SKA1: variants seen among roughly 807,000 people sequenced by gnomAD.
SKA1 encodes the protein SKA complex subunit 1.
A neutral mutation model predicts 31.8 loss-of-function variants in SKA1; 20 were observed. That is an observed-to-expected ratio of 0.63 (90% CI 0.44 to 0.91). SKA1 has a LOEUF of 0.91. Among genes scored for constraint, SKA1 ranks in the 40% least tolerant of loss-of-function variants. The pLI is 0.00. For synonymous variants in SKA1, 88 were observed against 100.5 expected (o/e 0.88, Z 0.74); for missense variants, 253 against 298.2 (o/e 0.85, Z 1.12).
chr18:50,376,008 T>G (rs937111158), intron 2 of SKA1, 90 bp downstream of exon 2: 1 of 751,664 alleles, frequency 1.3e-6, no homozygotes, highest in Non-Finnish European at 2.1e-6. Context: ...GTTAAGTGAC[T>G]GCATCTTAGG....
At chr18:50,391,976 C>A in intron 6 of SKA1, 123 bp from the exon 7 acceptor site, 1 of 650,590 alleles carries the variant, frequency 1.5e-6, no homozygotes, top group East Asian at 2.9e-5. Flanking sequence ...AATACTAGTT[C>A]TTGGTTTTAT....
Position 50,376,036 on chromosome 18 carries a change from A to C in SKA1, c.88+118A>C, listed in dbSNP as rs968070619. ...ATCTTAGGTAATTTTAGATTTTTGC[A>C]TAACGATTTTTTAAATAGTCCAATG... On this transcript the variant is annotated intron_variant, in intron 2 of 6. Coordinates refer to ENST00000285116, the MANE Select transcript of SKA1 (RefSeq NM_145060.4). 2.3e-5 allele frequency: 14 copies of C among 612,468 alleles called. 1 individual carries two copies. The highest frequency in any genetic ancestry group is 3.3e-5 in the Admixed American group (1 of 30,400). The allele number at this position is 612,468 out of a possible 1,614,324, so 37.9% of individuals were successfully genotyped here.
intron 2 of SKA1, among the ~76,000 whole-genome samples, chr18:50,377,899 A>G (rs964908010): frequency 3.2e-5 from 4 of 126,046 alleles, no homozygotes; most frequent in African/African-American, 1.2e-4. Context: ...ATACTCTGGA[A>G]AGTTAAAGCT....
rs1308665658 is a variant in SKA1 at position 50,375,879 on chromosome 18, A to T, written c.49A>T (p.Ile17Phe). Residue 17 changes from isoleucine to phenylalanine, a missense_variant, in exon 2 of 7, where the codon ATT becomes TTT. Physicochemically the swap from Ile to Phe is conservative, Grantham distance 21. Coordinates refer to ENST00000285116, the MANE Select transcript of SKA1 (RefSeq NM_145060.4). ...EQLCSHVNEK[I>F]GNIKKTLSLR... is the part of the protein sequence containing the mutation. ...ATTATGCTCTCATGTTAATGAAAAG[A>T]TTGGCAATATTAAGAAAACCTTATC... 3 of 1,611,240 alleles carry T rather than the reference A, an allele frequency of 1.9e-6. No individual in the cohort carries two copies. In the African/African-American group the frequency reaches 4.0e-5, roughly 22 times the overall value.
Position 50,388,837 on chromosome 18 carries a change from G to A in SKA1, c.450-2287G>A, listed in dbSNP as rs186158879. Among the ~76,000 whole-genome samples, 42 of 152,234 alleles carry A rather than the reference G, an allele frequency of 2.8e-4. No homozygotes were observed. In the East Asian group the frequency reaches 7.5e-3, roughly 27 times the overall value. ...TTCATTTTAAAAACTTGGGGGGAAG[G>A]CAGGGGTGGTTCCTGGAAGTAAAAC... On this transcript the variant is annotated intron_variant, in intron 5 of 6. Coordinates refer to ENST00000285116, the MANE Select transcript of SKA1 (RefSeq NM_145060.4).
intron 4 of SKA1, among the ~76,000 whole-genome samples, chr18:50,384,871 T>TTAAAAAAAAAAAAAAAAAGA: frequency 1.2e-5 from 1 of 82,602 alleles, no homozygotes; most frequent in Non-Finnish European, 2.1e-5. Context: ...AAAAAAAAAT[T>TTAAAAAAAAAAAAAAAAAGA]AAAAAAAAAA....
intron 4 of SKA1, among the ~76,000 whole-genome samples, chr18:50,384,848 G>A (rs1462486724): frequency 4.2e-5 from 2 of 47,660 alleles, no homozygotes; most frequent in Admixed American, 3.2e-4. Context: ...CTAAAACTTA[G>A]AGTATAATAA....
chr18:50,390,312 G>T (rs2041346377), intron 5 of SKA1, among the ~76,000 whole-genome samples: 1 of 152,198 alleles, frequency 6.6e-6, no homozygotes, highest in African/African-American at 2.4e-5. Flanking sequence ...GAATAGAAAT[G>T]AAGGACAGAG....
chr18:50,391,975 T>G, intron 6 of SKA1, 124 bp from the exon 7 acceptor site: 1 of 644,432 alleles, frequency 1.6e-6, no homozygotes, highest in Non-Finnish European at 2.5e-6. Flanking sequence ...GAATACTAGT[T>G]CTTGGTTTTA....
At chr18:50,392,045 G>C (rs1035829673) in intron 6 of SKA1, 54 bp from the exon 7 acceptor site, 1 of 1,387,600 alleles carries the variant, frequency 7.2e-7, no homozygotes, top group Non-Finnish European at 9.7e-7. Flanking sequence ...ATGTATTAAA[G>C]ACTCTTTTGC....
chr18:50,385,726 C>T lies in SKA1; in HGVS notation c.449+373C>T, dbSNP rs1057009179. Among the ~76,000 whole-genome samples, 9 of 152,036 alleles carry T rather than the reference C, an allele frequency of 5.9e-5. No individual in the cohort carries two copies. The South Asian group carries it at 1.0e-3, about 17-fold the overall frequency. On this transcript the variant is annotated intron_variant, in intron 5 of 6. Transcript: ENST00000285116. ...GTTTGGTTTCCGTTTGTGCATTGCACCCCGCACTTGTTTGAGCCTGTGCTA... is the reference window on the plus strand; with the variant it reads ...GTTTGGTTTCCGTTTGTGCATTGCATCCCGCACTTGTTTGAGCCTGTGCTA...
chr18:50,385,958 A>T (rs1376416050), intron 5 of SKA1, among the ~76,000 whole-genome samples: 1 of 151,856 alleles, frequency 6.6e-6, no homozygotes, highest in Non-Finnish European at 1.5e-5. Context: ...CCTTTTTATT[A>T]TACGAATAAT....
At chr18:50,392,041 T>A in intron 6 of SKA1, 58 bp from the exon 7 acceptor site, 1 of 1,368,786 alleles carries the variant, frequency 7.3e-7, no homozygotes, top group Non-Finnish European at 9.8e-7. Flanking sequence ...CTTAATGTAT[T>A]AAAGACTCTT....
At chr18:50,384,871 TAAAAAAA>T (rs10608403) in intron 4 of SKA1, among the ~76,000 whole-genome samples, 2 of 82,600 alleles carry the variant, frequency 2.4e-5, no homozygotes, top group Non-Finnish European at 4.2e-5. Context: ...AAAAAAAAAT[TAAAAAAA>T]AAAAAAAAAA....
intron 4 of SKA1, among the ~76,000 whole-genome samples, chr18:50,383,269 G>A (rs1449746576): frequency 6.6e-6 from 1 of 152,104 alleles, no homozygotes; most frequent in Non-Finnish European, 1.5e-5. Context: ...ATTTCATTTT[G>A]CATACCACCT....
intron 4 of SKA1, 67 bp downstream of exon 4, chr18:50,382,293 C>G (rs147315380): frequency 2.0e-6 from 2 of 998,624 alleles, no homozygotes; most frequent in Non-Finnish European, 2.8e-6. Context: ...TTCTTCAAAG[C>G]CTTTTGTTCT....
At chr18:50,386,588 AT>A (rs1292715792) in intron 5 of SKA1, among the ~76,000 whole-genome samples, 3 of 152,200 alleles carry the variant, frequency 2.0e-5, no homozygotes, top group African/African-American at 7.2e-5. Flanking sequence ...TCCTTAGTCT[AT>A]GTTAGGATTT....
At chr18:50,378,700 G>A (rs1186555363) in intron 2 of SKA1, among the ~76,000 whole-genome samples, 1 of 147,164 alleles carries the variant, frequency 6.8e-6, no homozygotes, top group Admixed American at 6.8e-5. Context: ...AAAAAAAGTG[G>A]TAAACAACAC....
At chr18:50,386,908 G>T (rs967344457) in intron 5 of SKA1, among the ~76,000 whole-genome samples, 1 of 152,138 alleles carries the variant, frequency 6.6e-6, no homozygotes, top group Non-Finnish European at 1.5e-5. Context: ...GGATGTATTG[G>T]TTTGTTTATT....
Sources: allele counts gnomAD v4.1 joint callset (sites outside exome capture counted in the v4.1 genomes callset), GRCh38; gene constraint gnomAD v4.1.1; transcripts MANE v1.5; gene names NCBI Gene and HGNC (gene_info 2026-07-23, HGNC 2026-07-21).